Variants in CCDC91 observed in about 807,000 individuals in gnomAD.
CCDC91 encodes coiled-coil domain containing 91, also known as coiled-coil domain-containing protein 91.
A neutral mutation model predicts 63.2 loss-of-function variants in CCDC91; 48 were observed. That is an observed-to-expected ratio of 0.76 (90% CI 0.60 to 0.97). CCDC91 has a LOEUF of 0.97. Among genes scored for constraint, CCDC91 ranks in the 50% least tolerant of loss-of-function variants. CCDC91 has a pLI of 0.00. For missense variants in CCDC91, 500 were observed against 494.6 expected, an observed-to-expected ratio of 1.01 and a Z score of -0.10; for synonymous variants, 167 against 165.8, an observed-to-expected ratio of 1.01 and a Z score of -0.06.
intron 12 of CCDC91, among the ~76,000 whole-genome samples, chr12:28,535,453 C>T (rs946147042): frequency 3.3e-5 from 5 of 152,154 alleles, no homozygotes; most frequent in Non-Finnish European, 7.4e-5. Context: ...AGTTTCAGTG[C>T]ATTTGCATGA....
At chr12:28,272,350 T>C (rs1451931613) in intron 3 of CCDC91, among the ~76,000 whole-genome samples, 1 of 151,870 alleles carries the variant, frequency 6.6e-6, no homozygotes, top group Non-Finnish European at 1.5e-5. Context: ...CCGTTGTTTT[T>C]ACCAATGTTG....
At chr12:28,381,222 G>T (rs184370255) in intron 7 of CCDC91, among the ~76,000 whole-genome samples, 1 of 152,036 alleles carries the variant, frequency 6.6e-6, no homozygotes, top group African/African-American at 2.4e-5. Context: ...ATTTTAATAT[G>T]TCTGTTTTGT....
intron 6 of CCDC91, among the ~76,000 whole-genome samples, chr12:28,340,341 A>G (rs978820729): frequency 1.3e-5 from 2 of 152,186 alleles, no homozygotes; most frequent in African/African-American, 2.4e-5. Context: ...GTCTTTGGTG[A>G]TATCATAGGT....
intron 11 of CCDC91, among the ~76,000 whole-genome samples, chr12:28,470,295 A>G (rs1483988620): frequency 6.6e-6 from 1 of 152,202 alleles, no homozygotes; most frequent in Non-Finnish European, 1.5e-5. Context: ...ACATTTCTCA[A>G]AAGAAGACAT....
chr12:28,364,919 C>G (rs11049555), intron 7 of CCDC91, among the ~76,000 whole-genome samples: 30,763 of 152,092 alleles, frequency 0.2, 4,088 homozygotes, highest in Non-Finnish European at 0.3. Context: ...CAAAATTTTA[C>G]ATGATATCCA....
chr12:28,419,419 A>C (rs1947869608), intron 8 of CCDC91, among the ~76,000 whole-genome samples: 1 of 152,212 alleles, frequency 6.6e-6, no homozygotes, highest in Admixed American at 6.5e-5. Flanking sequence ...ATTTAAAAGC[A>C]AAATTCAATC....
At chr12:28,405,772 G>GCC (rs1334288461) in intron 8 of CCDC91, among the ~76,000 whole-genome samples, 1 of 152,142 alleles carries the variant, frequency 6.6e-6, no homozygotes, top group Non-Finnish European at 1.5e-5. Context: ...TGGTAGAAAA[G>GCC]CCAAGGTTTG....
intron 1 of CCDC91, among the ~76,000 whole-genome samples, chr12:28,194,123 G>A (rs541060385): frequency 5.7e-5 from 8 of 140,994 alleles, no homozygotes; most frequent in African/African-American, 1.6e-4. Context: ...CTAATCCAAC[G>A]TTGCAAAGAT....
At chr12:28,252,114 A>G (rs948926702) in intron 1 of CCDC91, among the ~76,000 whole-genome samples, 14 of 152,004 alleles carry the variant, frequency 9.2e-5, no homozygotes, top group African/African-American at 2.7e-4. Flanking sequence ...TTATTAGTCC[A>G]TTGTTTTTTA....
At chr12:28,284,641 G>T (rs1948803299) in intron 3 of CCDC91, among the ~76,000 whole-genome samples, 1 of 147,246 alleles carries the variant, frequency 6.8e-6, no homozygotes. Context: ...CAACAAGAGT[G>T]AAACTAGGTC....
chr12:28,499,072 G>T (rs1213008156), intron 12 of CCDC91, among the ~76,000 whole-genome samples: 1 of 151,536 alleles, frequency 6.6e-6, no homozygotes, highest in African/African-American at 2.4e-5. Flanking sequence ...TTCTGATTGT[G>T]ATTTGTTTCT....
intron 3 of CCDC91, among the ~76,000 whole-genome samples, chr12:28,260,615 G>A (rs771827245): frequency 3.3e-5 from 5 of 151,424 alleles, no homozygotes; most frequent in African/African-American, 4.9e-5. Context: ...CCATGTCTAC[G>A]TGCACCTATT....
intron 12 of CCDC91, among the ~76,000 whole-genome samples, chr12:28,533,580 A>G (rs1458143989): frequency 2.0e-5 from 3 of 152,068 alleles, no homozygotes; most frequent in Non-Finnish European, 4.4e-5. Context: ...GATAAAAAAT[A>G]TATCTGTTTA....
chr12:28,510,130 G>C (rs1014565498), intron 12 of CCDC91, among the ~76,000 whole-genome samples: 1 of 151,768 alleles, frequency 6.6e-6, no homozygotes, highest in African/African-American at 2.4e-5. Context: ...GAGTTTCCCT[G>C]AAAGTCTTTC....
At chr12:28,475,917 G>A (rs1377304431) in intron 11 of CCDC91, among the ~76,000 whole-genome samples, 3 of 151,852 alleles carry the variant, frequency 2.0e-5, no homozygotes, top group South Asian at 2.1e-4. Context: ...AGACATTATG[G>A]TTACTAGAAA....
intron 12 of CCDC91, among the ~76,000 whole-genome samples, chr12:28,508,018 C>T (rs529671065): frequency 1.3e-4 from 19 of 151,778 alleles, no homozygotes; most frequent in Non-Finnish European, 2.5e-4. Context: ...AGGAAGAGGG[C>T]GTGACCTTGG....
intron 3 of CCDC91, among the ~76,000 whole-genome samples, chr12:28,262,516 T>C (rs1400342142): frequency 2.0e-4 from 31 of 151,992 alleles, no homozygotes; most frequent in Non-Finnish European, 5.9e-5. Context: ...ATAATGTATT[T>C]CTTAAAGTGT....
At chr12:28,394,820 C>T (rs1356832914) in intron 8 of CCDC91, among the ~76,000 whole-genome samples, 1 of 151,538 alleles carries the variant, frequency 6.6e-6, no homozygotes, top group African/African-American at 2.4e-5. Context: ...TGAATTGATC[C>T]CTGGCTTTGT....
chr12:28,372,279 A>C (rs1008059006), intron 7 of CCDC91, among the ~76,000 whole-genome samples: 2 of 152,050 alleles, frequency 1.3e-5, no homozygotes, highest in African/African-American at 2.4e-5. Flanking sequence ...ATATGCTTCC[A>C]GATTTGTTCT....
Sources: allele counts gnomAD v4.1 joint callset (sites outside exome capture counted in the v4.1 genomes callset), GRCh38; gene constraint gnomAD v4.1.1; transcripts MANE v1.5; gene names NCBI Gene and HGNC (gene_info 2026-07-23, HGNC 2026-07-21).